Variants in MDGA2 observed in about 807,000 individuals in gnomAD.
MDGA2 encodes MAM domain containing glycosylphosphatidylinositol anchor 2.
MDGA2 carries 40 observed loss-of-function variants against 117.8 expected under a neutral mutation model. The ratio of observed to expected loss-of-function variants is 0.34; its 90% CI spans 0.26 to 0.44. The LOEUF (loss-of-function observed/expected upper bound fraction) is 0.44. Ranked by LOEUF, MDGA2 falls within the 20% of genes least tolerant of loss-of-function variation. MDGA2 has a pLI of 1.00. For synonymous variants in MDGA2, 452 were observed against 439.0 expected (o/e 1.03, Z -0.37); for missense variants, 1,123 against 1,250.6 (o/e 0.90, Z 1.54).
intron 1 of MDGA2, among the ~76,000 whole-genome samples, chr14:47,310,978 T>C (rs1204460403): frequency 2.6e-5 from 4 of 152,116 alleles, no homozygotes; most frequent in Admixed American, 6.6e-5. Context: ...CTGTTAATAG[T>C]GTCAGAAGCC....
At chr14:47,429,931 G>A (rs552390929) in intron 1 of MDGA2, among the ~76,000 whole-genome samples, 1 of 149,376 alleles carries the variant, frequency 6.7e-6, no homozygotes, top group East Asian at 2.0e-4. Flanking sequence ...AAAATTGACT[G>A]AAAAGGAGGT....
At position 47,257,723 on chromosome 14, in the gene MDGA2, G is replaced by A. The variant is rs537099902; in HGVS notation, c.421-39528C>T. ...ATAGTCCAAGAACTCTACCCAGAAA[G>A]CGTCACTTGGCCTGAAAAGACAGGA... On this transcript the variant is annotated intron_variant, in intron 2 of 16. Transcript: ENST00000399232. 2.2e-4 allele frequency among the ~76,000 whole-genome samples: 34 copies of A among 152,214 alleles called. No homozygotes were observed. In the South Asian group the frequency reaches 6.6e-3, roughly 30 times the overall value.
At chr14:47,077,248 T>C (rs1382566783) in intron 6 of MDGA2, among the ~76,000 whole-genome samples, 3 of 152,116 alleles carry the variant, frequency 2.0e-5, no homozygotes, top group Non-Finnish European at 4.4e-5. Context: ...TTTGTGTCAG[T>C]TGCTTTTCGT....
intron 1 of MDGA2, among the ~76,000 whole-genome samples, chr14:47,638,973 T>C (rs1012195023): frequency 2.0e-5 from 3 of 152,126 alleles, no homozygotes. Context: ...TTCACATACA[T>C]TAGGGTCTTG....
Position 47,264,939 on chromosome 14 carries a change from G to A in MDGA2, c.420+36472C>T, listed in dbSNP as rs1455955797. 2.0e-5 allele frequency among the ~76,000 whole-genome samples: 3 copies of A among 151,994 alleles called. No homozygotes were observed. In the East Asian group the frequency reaches 5.8e-4, roughly 29 times the overall value. On this transcript the variant is annotated intron_variant, in intron 2 of 16. Transcript: ENST00000399232. ...CTCATTGTTCAACTCCCACTTATGT[G>A]TGAGAACATGATTTTATTTTTTAAT...
chr14:47,105,974 GCCGACT>G (rs1471541551), intron 5 of MDGA2, among the ~76,000 whole-genome samples: 2 of 1,148 alleles, frequency 1.7e-3, no homozygotes, highest in African/African-American at 0.022. Flanking sequence ...TCCGTGACTA[GCCGACT>G]AGCCCTCCCC....
chr14:47,342,274 ATATATAT>A (rs1566746775), intron 1 of MDGA2, among the ~76,000 whole-genome samples: 4 of 142,260 alleles, frequency 2.8e-5, no homozygotes, highest in African/African-American at 7.5e-5. Flanking sequence ...ATATATATAT[ATATATAT>A]AAAATATGTT....
At chr14:47,627,761 C>A (rs544691779) in intron 1 of MDGA2, among the ~76,000 whole-genome samples, 8 of 152,142 alleles carry the variant, frequency 5.3e-5, no homozygotes. Flanking sequence ...AAGCTTTGTT[C>A]TTTTGTTCTT....
intron 1 of MDGA2, among the ~76,000 whole-genome samples, chr14:47,351,110 C>T (rs1173297211): frequency 1.4e-5 from 2 of 143,858 alleles, no homozygotes; most frequent in African/African-American, 5.1e-5. Flanking sequence ...CGAAGTGTTG[C>T]TCTTGTCCCC....
chr14:47,303,151 C>T (rs1482216900), intron 1 of MDGA2, among the ~76,000 whole-genome samples: 1 of 152,060 alleles, frequency 6.6e-6, no homozygotes, highest in Non-Finnish European at 1.5e-5. Flanking sequence ...CTGCAGGAAT[C>T]CCCAGGAATC....
chr14:47,456,611 A>G (rs1055331675), intron 1 of MDGA2, among the ~76,000 whole-genome samples: 6 of 152,004 alleles, frequency 3.9e-5, no homozygotes, highest in Admixed American at 1.3e-4. Flanking sequence ...CCAATTGTTT[A>G]CCTTTTAAAA....
At chr14:47,223,553 T>C (rs1465968298) in intron 2 of MDGA2, among the ~76,000 whole-genome samples, 1 of 152,130 alleles carries the variant, frequency 6.6e-6, no homozygotes, top group Non-Finnish European at 1.5e-5. Context: ...CTTCCTTAGT[T>C]ACAAGAAAGG....
chr14:47,564,082 C>G (rs759764371), intron 1 of MDGA2, among the ~76,000 whole-genome samples: 22 of 152,242 alleles, frequency 1.4e-4, no homozygotes, highest in Non-Finnish European at 2.6e-4. Flanking sequence ...AATATAGGCC[C>G]TCATCTCTTT....
intron 3 of MDGA2, among the ~76,000 whole-genome samples, chr14:47,211,726 A>T (rs1170487175): frequency 6.6e-6 from 1 of 152,226 alleles, no homozygotes; most frequent in Non-Finnish European, 1.5e-5. Context: ...AAAAAAGTGT[A>T]GAACTGCCAG....
chr14:46,887,663 C>A (rs569649527), intron 10 of MDGA2, among the ~76,000 whole-genome samples: 1 of 151,846 alleles, frequency 6.6e-6, no homozygotes, highest in African/African-American at 2.4e-5. Context: ...TTCAGATAAG[C>A]ATGCATAGTT....
intron 6 of MDGA2, among the ~76,000 whole-genome samples, chr14:47,095,950 C>T (rs572751860): frequency 3.3e-5 from 5 of 152,054 alleles, no homozygotes; most frequent in South Asian, 4.2e-4. Flanking sequence ...CCTCAGTGTG[C>T]ACCCTCCACT....
intron 1 of MDGA2, among the ~76,000 whole-genome samples, chr14:47,302,828 T>G (rs17118294): frequency 0.12 from 17,935 of 152,146 alleles, 1,203 homozygotes; most frequent in East Asian, 0.22. Flanking sequence ...TGACATCAGG[T>G]TGTATTTCAT....
chr14:46,860,043 A>C (rs896246247), intron 14 of MDGA2, among the ~76,000 whole-genome samples: 10 of 152,070 alleles, frequency 6.6e-5, no homozygotes, highest in African/African-American at 2.2e-4. Flanking sequence ...CTTTTTAAAG[A>C]AATTTTCTTT....
intron 6 of MDGA2, among the ~76,000 whole-genome samples, chr14:47,086,264 AAGAAG>A (rs1026319701): frequency 3.3e-5 from 5 of 152,030 alleles, no homozygotes; most frequent in African/African-American, 9.6e-5. Context: ...AAGTAAAAAG[AAGAAG>A]AGAAGATTCT....
Sources: allele counts gnomAD v4.1 joint callset (sites outside exome capture counted in the v4.1 genomes callset), GRCh38; gene constraint gnomAD v4.1.1; transcripts MANE v1.5; gene names NCBI Gene and HGNC (gene_info 2026-07-23, HGNC 2026-07-21).